Variants in ROBO2 observed in about 807,000 individuals in gnomAD.
ROBO2 encodes the protein roundabout guidance receptor 2.
In ROBO2, 53 loss-of-function variants were observed where a neutral mutation model predicts 160.8. The observed-to-expected ratio is 0.33, with a 90% CI of 0.26 to 0.41. ROBO2 has a LOEUF of 0.41. Ranked by LOEUF, ROBO2 falls within the 10% of genes least tolerant of loss-of-function variation. The pLI is 1.00. For missense variants in ROBO2, 1,577 were observed against 1,722.4 expected, an observed-to-expected ratio of 0.92 and a Z score of 1.49; for synonymous variants, 664 against 611.7, an observed-to-expected ratio of 1.09 and a Z score of -1.26.
chr3:76,614,117 A>G (rs2088371956), intron 2 of ROBO2, among the ~76,000 whole-genome samples: 1 of 152,130 alleles, frequency 6.6e-6, no homozygotes, highest in Non-Finnish European at 1.5e-5. Context: ...TCTTACTACA[A>G]TGTAGAGGCA....
At chr3:76,624,215 G>A (rs1391572476) in intron 2 of ROBO2, among the ~76,000 whole-genome samples, 1 of 152,128 alleles carries the variant, frequency 6.6e-6, no homozygotes, top group African/African-American at 2.4e-5. Context: ...AAAGAATTTA[G>A]GATATAAGGA....
intron 1 of ROBO2, among the ~76,000 whole-genome samples, chr3:77,051,030 A>AC (rs991778585): frequency 2.6e-5 from 4 of 151,564 alleles, no homozygotes; most frequent in Non-Finnish European, 5.9e-5. Flanking sequence ...AAAAAAAAAA[A>AC]AAAATTCATC....
At chr3:76,037,328 G>A (rs148135593) in intron 2 of ROBO2, among the ~76,000 whole-genome samples, 4,173 of 150,414 alleles carry the variant, frequency 0.028, 77 homozygotes, top group Middle Eastern at 0.082. Context: ...CGCGATCTCG[G>A]CTCACTGCAA....
At chr3:76,085,755 G>A (rs866757496) in intron 2 of ROBO2, among the ~76,000 whole-genome samples, 6 of 152,100 alleles carry the variant, frequency 3.9e-5, no homozygotes, top group South Asian at 2.1e-4. Flanking sequence ...AACCTGAACC[G>A]TAATTGAGGA....
Position 76,664,053 on chromosome 3 carries a change from CA to C in ROBO2, c.110-433957del. On this transcript the variant is annotated intron_variant, in intron 2 of 26. Coordinates refer to the ROBO2 transcript ENST00000487694. The stretch of plus-strand genomic sequence containing the variant: ...ATAGAGAAAGCATTTTAGTTCCAGG[CA>C]AAAGGGACCAGATTTTAGTTTATAG... 2.0e-5 allele frequency among the ~76,000 whole-genome samples: 3 copies of C among 152,200 alleles called. 1 individual carries two copies. Among genetic ancestry groups the C allele is most frequent in the Non-Finnish European group, 4.4e-5 (3 of 68,006 alleles).
chr3:76,360,829 G>GCAAT (rs2075470601), intron 2 of ROBO2, among the ~76,000 whole-genome samples: 1 of 151,962 alleles, frequency 6.6e-6, no homozygotes, highest in East Asian at 1.9e-4. Flanking sequence ...CTGTGTGGAT[G>GCAAT]CAATGGCTGG....
At chr3:76,635,688 T>TA (rs2090292631) in intron 2 of ROBO2, among the ~76,000 whole-genome samples, 1 of 152,248 alleles carries the variant, frequency 6.6e-6, no homozygotes, top group South Asian at 2.1e-4. Flanking sequence ...TTCTATATGA[T>TA]AGAGATTTTC....
chr3:76,727,059 G>A (rs1308069290), intron 2 of ROBO2, among the ~76,000 whole-genome samples: 1 of 152,126 alleles, frequency 6.6e-6, no homozygotes, highest in Non-Finnish European at 1.5e-5. Context: ...TCTTAATCCT[G>A]AAGTAATATC....
intron 2 of ROBO2, among the ~76,000 whole-genome samples, chr3:76,510,559 AC>A (rs1432032554): frequency 1.6e-4 from 25 of 152,054 alleles, no homozygotes; most frequent in Non-Finnish European, 3.1e-4. Context: ...TCCCATCTCT[AC>A]CAAAAATGCA....
At chr3:77,029,784 A>G (rs1185480102) in intron 2 of ROBO2, among the ~76,000 whole-genome samples, 2 of 152,216 alleles carry the variant, frequency 1.3e-5, no homozygotes, top group African/African-American at 4.8e-5. Context: ...GGCCATTGCA[A>G]TAACTATTAA....
intron 2 of ROBO2, among the ~76,000 whole-genome samples, chr3:76,766,512 C>G (rs894328563): frequency 6.6e-6 from 1 of 151,592 alleles, no homozygotes; most frequent in Admixed American, 6.6e-5. Flanking sequence ...AGCAATTATT[C>G]AGATGGGAAC....
chr3:76,675,713 T>G (rs1248224613), intron 2 of ROBO2, among the ~76,000 whole-genome samples: 1 of 152,190 alleles, frequency 6.6e-6, no homozygotes, highest in East Asian at 1.9e-4. Context: ...ACAAAGGTTT[T>G]AAAAGATACA....
Position 76,777,543 on chromosome 3 carries a change from T to G in ROBO2, c.110-320471T>G, listed in dbSNP as rs139245889. ...ACTGAGAGCGAAGCATAAAACAAAA[T>G]GTTTTTTCTTTCTTTTTTTTTTTAA... On this transcript the variant is annotated intron_variant, in intron 2 of 26. Coordinates refer to the ROBO2 transcript ENST00000487694. Among the ~76,000 whole-genome samples, 35 of 151,196 alleles carry G rather than the reference T, an allele frequency of 2.3e-4. No homozygotes were observed. The East Asian group carries it at 6.5e-3, about 28-fold the overall frequency.
chr3:76,788,314 A>G (rs937683637), intron 2 of ROBO2, among the ~76,000 whole-genome samples: 2 of 151,504 alleles, frequency 1.3e-5, no homozygotes, highest in African/African-American at 4.8e-5. Context: ...CTCCTTTCCT[A>G]CCTTAAATGG....
intron 2 of ROBO2, among the ~76,000 whole-genome samples, chr3:77,443,225 A>G (rs1264903074): frequency 6.6e-6 from 1 of 152,168 alleles, no homozygotes; most frequent in Non-Finnish European, 1.5e-5. Flanking sequence ...TTATAGAACC[A>G]TTTTACACAT....
At chr3:76,088,434 A>G (rs977989952) in intron 2 of ROBO2, among the ~76,000 whole-genome samples, 4 of 152,060 alleles carry the variant, frequency 2.6e-5, no homozygotes, top group Non-Finnish European at 5.9e-5. Flanking sequence ...TCAAGCTCAC[A>G]TAGAAGGTTC....
chr3:75,939,928 A>G (rs73123294), intron 2 of ROBO2, among the ~76,000 whole-genome samples: 7 of 152,140 alleles, frequency 4.6e-5, no homozygotes, highest in Admixed American at 6.6e-5. Context: ...TAAGTTTACA[A>G]TCTTGCATTA....
intron 2 of ROBO2, among the ~76,000 whole-genome samples, chr3:76,585,618 T>G (rs1448043324): frequency 2.6e-5 from 4 of 152,188 alleles, no homozygotes; most frequent in African/African-American, 9.7e-5. Context: ...GATATTCAAC[T>G]AAAAATTCTC....
At chr3:76,046,646 T>C (rs1157879327) in intron 2 of ROBO2, among the ~76,000 whole-genome samples, 1 of 151,894 alleles carries the variant, frequency 6.6e-6, no homozygotes, top group East Asian at 1.9e-4. Context: ...AGACTCCGTC[T>C]CAAAAAATAA....
Sources: allele counts gnomAD v4.1 joint callset (sites outside exome capture counted in the v4.1 genomes callset), GRCh38; gene constraint gnomAD v4.1.1; transcripts MANE v1.5; gene names NCBI Gene and HGNC (gene_info 2026-07-23, HGNC 2026-07-21).